The following CSGALNACT1 variants were observed in gnomAD, a reference collection of about 807,000 sequenced individuals.
The protein encoded by CSGALNACT1 is beta4GalNAcT-1.
In CSGALNACT1, 52 loss-of-function variants were observed where a neutral mutation model predicts 51.0. The ratio of observed to expected loss-of-function variants is 1.02; its 90% confidence interval spans 0.82 to 1.29. The LOEUF (loss-of-function observed/expected upper bound fraction) is 1.29. Ranked by LOEUF, CSGALNACT1 falls within the 50% of genes most tolerant of loss-of-function variation. The probability of loss-of-function intolerance (pLI) is 0.00; values close to 1 mark genes in which losing one functional copy is unlikely to be tolerated. For synonymous variants in CSGALNACT1, 341 were observed against 254.4 expected (o/e 1.34, Z -3.24); for missense variants, 935 against 679.2 (o/e 1.38, Z -4.19).
chr8:19,408,068 C>G (rs964620710), intron 9 of CSGALNACT1, among the ~76,000 whole-genome samples: 3 of 152,140 alleles, frequency 2.0e-5, no homozygotes, highest in Non-Finnish European at 4.4e-5. Context: ...CCCTATTTCC[C>G]TCATACCCTT....
chr8:19,606,094 A>C (rs141671392), upstream of CSGALNACT1, among the ~76,000 whole-genome samples: 657 of 152,306 alleles, frequency 4.3e-3, 5 homozygotes, highest in African/African-American at 0.015. Context: ...TCTGTGTCAG[A>C]CACACTGATT....
intron 6 of CSGALNACT1, among the ~76,000 whole-genome samples, chr8:19,426,859 AC>A (rs1563335092): frequency 6.6e-6 from 1 of 152,190 alleles, no homozygotes; most frequent in Non-Finnish European, 1.5e-5. Flanking sequence ...TCTAATATAG[AC>A]TTTTCCCCAC....
intron 3 of CSGALNACT1, among the ~76,000 whole-genome samples, chr8:19,540,071 CCTAACG>C (rs2084735628): frequency 6.6e-6 from 1 of 152,170 alleles, no homozygotes; most frequent in Non-Finnish European, 1.5e-5. Context: ...ATCATGAATT[CCTAACG>C]CTAAACAACA....
chr8:19,727,722 C>A (rs890322852), intron 1 of CSGALNACT1, among the ~76,000 whole-genome samples: 2 of 152,070 alleles, frequency 1.3e-5, no homozygotes, highest in African/African-American at 4.8e-5. Flanking sequence ...TGTGTCCTCC[C>A]TTTTTCCCTA....
chr8:19,584,501 A>G (rs941825441), intron 3 of CSGALNACT1, among the ~76,000 whole-genome samples: 2 of 152,216 alleles, frequency 1.3e-5, no homozygotes, highest in Non-Finnish European at 2.9e-5. Context: ...TTAGCTTTGT[A>G]TTACATGGTG....
intron 1 of CSGALNACT1, among the ~76,000 whole-genome samples, chr8:19,704,048 G>C (rs907199649): frequency 1.1e-4 from 16 of 152,178 alleles, no homozygotes; most frequent in Admixed American, 9.8e-4. Flanking sequence ...GCACATGGGA[G>C]ATCTTACTTT....
At chr8:19,644,376 T>G (rs575813980) in intron 1 of CSGALNACT1, among the ~76,000 whole-genome samples, 1 of 142,250 alleles carries the variant, frequency 7.0e-6, no homozygotes, top group Non-Finnish European at 1.5e-5. Flanking sequence ...CAGAAAAAAA[T>G]ACACCTGAAA....
intron 1 of CSGALNACT1, among the ~76,000 whole-genome samples, chr8:19,753,422 T>C (rs1039061977): frequency 6.6e-6 from 1 of 152,190 alleles, no homozygotes; most frequent in Non-Finnish European, 1.5e-5. Context: ...TGTCTGATAA[T>C]TTTCCAAACT....
At chr8:19,636,780 T>G in intron 1 of CSGALNACT1, among the ~76,000 whole-genome samples, 1 of 152,226 alleles carries the variant, frequency 6.6e-6, no homozygotes, top group Admixed American at 6.5e-5. Flanking sequence ...TTGTAACGTT[T>G]TTTACCTTAT....
intron 3 of CSGALNACT1, among the ~76,000 whole-genome samples, chr8:19,562,122 C>A (rs775424408): frequency 1.3e-5 from 2 of 152,164 alleles, no homozygotes; most frequent in African/African-American, 2.4e-5. Context: ...GCACCACCAT[C>A]CTGCCACCCC....
At chr8:19,420,409 A>T in exon 7 of CSGALNACT1, 1 of 1,614,210 alleles carries the variant, frequency 6.2e-7, no homozygotes, top group Non-Finnish European at 8.5e-7. Context: ...TCACAGAAAA[A>T]GAGAAGGACG....
chr8:19,686,673 T>C (rs1240911984), upstream of CSGALNACT1, among the ~76,000 whole-genome samples: 1 of 152,156 alleles, frequency 6.6e-6, no homozygotes, highest in Non-Finnish European at 1.5e-5. Context: ...AAACTGGAGC[T>C]TTTCACCACC....
chr8:19,443,670 C>G (rs2061675772), intron 5 of CSGALNACT1, among the ~76,000 whole-genome samples: 1 of 152,188 alleles, frequency 6.6e-6, no homozygotes, highest in Admixed American at 6.5e-5. Context: ...CAATGATCTC[C>G]ACCTGGCCCT....
chr8:19,691,255 T>G (rs1380462285), intron 1 of CSGALNACT1, among the ~76,000 whole-genome samples: 1 of 152,192 alleles, frequency 6.6e-6, no homozygotes, highest in Non-Finnish European at 1.5e-5. Flanking sequence ...GCTGGGTTCC[T>G]GGGAAGTTCC....
chr8:19,609,873 T>C (rs1485676104), intron 1 of CSGALNACT1, among the ~76,000 whole-genome samples: 2 of 152,138 alleles, frequency 1.3e-5, no homozygotes, highest in African/African-American at 4.8e-5. Flanking sequence ...GTGGAAAATA[T>C]CTAAATGATA....
chr8:19,409,522 AACAC>A (rs1217366951), intron 8 of CSGALNACT1, among the ~76,000 whole-genome samples: 12 of 149,766 alleles, frequency 8.0e-5, no homozygotes, highest in African/African-American at 2.5e-4. Context: ...GAGAGAGAGA[AACAC>A]ACACACAAAC....
intron 3 of CSGALNACT1, among the ~76,000 whole-genome samples, chr8:19,559,437 G>A (rs1055084158): frequency 2.0e-5 from 3 of 152,044 alleles, no homozygotes; most frequent in African/African-American, 4.8e-5. Context: ...CCTACCATCC[G>A]CACTTCTATT....
chr8:19,435,406 T>C (rs911445099), intron 6 of CSGALNACT1, among the ~76,000 whole-genome samples: 4 of 151,952 alleles, frequency 2.6e-5, no homozygotes, highest in Admixed American at 2.0e-4. Context: ...GGCAGGAGAA[T>C]TGCTTGAACC....
At chr8:19,433,868 C>T (rs1436279530) in intron 6 of CSGALNACT1, among the ~76,000 whole-genome samples, 2 of 152,124 alleles carry the variant, frequency 1.3e-5, no homozygotes, top group Admixed American at 6.5e-5. Context: ...CAGTGTGGCC[C>T]AGAGAAGCCA....
Sources: allele counts gnomAD v4.1 joint callset (sites outside exome capture counted in the v4.1 genomes callset), GRCh38; gene constraint gnomAD v4.1.1; transcripts MANE v1.5; gene names NCBI Gene and HGNC (gene_info 2026-07-23, HGNC 2026-07-21).